The following PBX1 variants were observed in gnomAD, a reference collection of about 807,000 sequenced individuals.
PBX1 encodes PBX homeobox 1, also known as pre-B-cell leukemia transcription factor 1.
Under a neutral mutation model 53.4 loss-of-function variants are expected in PBX1, and 6 were observed. That is an observed-to-expected ratio of 0.11 (90% CI 0.06 to 0.22). The LOEUF is 0.22. Among genes scored for constraint, PBX1 ranks in the 10% least tolerant of loss-of-function variants. PBX1 has a pLI of 1.00. For synonymous variants in PBX1, 204 were observed against 212.3 expected (o/e 0.96, Z 0.34); for missense variants, 251 against 551.4 (o/e 0.46, Z 5.46).
intron 2 of PBX1, among the ~76,000 whole-genome samples, chr1:164,712,829 G>A (rs898016510): frequency 1.3e-5 from 2 of 152,226 alleles, no homozygotes; most frequent in African/African-American, 2.4e-5. Context: ...AGGCAGGCAG[G>A]CATAGGTGTG....
intron 2 of PBX1, among the ~76,000 whole-genome samples, chr1:164,635,590 G>T (rs201650852): frequency 6.6e-6 from 1 of 152,118 alleles, no homozygotes; most frequent in African/African-American, 2.4e-5. Context: ...CCATTCTCCC[G>T]CTCGTCTCGC....
intron 8 of PBX1, among the ~76,000 whole-genome samples, chr1:164,830,655 T>A (rs1451480721): frequency 6.6e-6 from 1 of 152,192 alleles, no homozygotes; most frequent in African/African-American, 2.4e-5. Context: ...GTCTTTGAAC[T>A]CATCTTGAAC....
intron 2 of PBX1, among the ~76,000 whole-genome samples, chr1:164,586,454 C>T (rs191647695): frequency 6.6e-6 from 1 of 152,224 alleles, no homozygotes; most frequent in East Asian, 1.9e-4. Flanking sequence ...TGCAAGGGAA[C>T]AATTACTGGA....
chr1:164,583,835 T>C (rs1263560481), intron 2 of PBX1, among the ~76,000 whole-genome samples: 1 of 152,196 alleles, frequency 6.6e-6, no homozygotes, highest in East Asian at 1.9e-4. Flanking sequence ...AGATAGGAAC[T>C]TGTCCTCAAA....
chr1:164,821,889 G>A (rs146452462), intron 8 of PBX1, among the ~76,000 whole-genome samples: 6 of 152,236 alleles, frequency 3.9e-5, no homozygotes, highest in East Asian at 3.9e-4. Flanking sequence ...GGCCACATGC[G>A]TTCAGCTAGA....
rs566423880 is a variant in PBX1 at position 164,711,237 on chromosome 1, C to T, written c.266-81257C>T. 1.9e-4 allele frequency among the ~76,000 whole-genome samples: 29 copies of T among 152,240 alleles called. 1 individual carries two copies. The highest frequency in any genetic ancestry group is 1.5e-3 in the Admixed American group (23 of 15,298). On this transcript the variant is annotated intron_variant, in intron 2 of 8. Transcript: ENST00000420696. ...GCTGACCCAGAAGCAGACAGGTGACCCTTTCACCAAAACTTCAATCATCAG... is the reference window on the plus strand; with the variant it reads ...GCTGACCCAGAAGCAGACAGGTGACTCTTTCACCAAAACTTCAATCATCAG...
In PBX1 at chr1:164,848,562, T is replaced by C; in HGVS notation, c.*1886T>C. The C allele has an allele frequency of 9.4e-7, 1 of 1,059,830 alleles. No individual in the cohort carries two copies. The highest frequency in any genetic ancestry group is 4.6e-5 in the South Asian group (1 of 21,930). The allele number at this position is 1,059,830 out of a possible 1,614,324, so 65.7% of individuals were successfully genotyped here. On this transcript the variant is annotated 3_prime_UTR_variant, in exon 9 of 9. Transcript: ENST00000420696. ...CAGTACCTTGATGTCATCACCGTGA[T>C]GACAAAGAGAAGAGTTATTGTTGAT...
At chr1:164,574,131 C>G (rs1654060731) in intron 2 of PBX1, among the ~76,000 whole-genome samples, 1 of 152,234 alleles carries the variant, frequency 6.6e-6, no homozygotes, top group South Asian at 2.1e-4. Context: ...ACCTCCTTCT[C>G]TGTGTTTTTT....
rs940060666 is a variant in PBX1 at position 164,857,121 on chromosome 1, A to C, written n.257+25638A>C. 1.9e-4 allele frequency among the ~76,000 whole-genome samples: 29 copies of C among 152,244 alleles called. 1 individual carries two copies. The highest frequency in any genetic ancestry group is 7.0e-4 in the African/African-American group (29 of 41,552). On this transcript the variant is annotated intron_variant and non_coding_transcript_variant, in intron 2 of 2. Transcript: ENST00000558796. Reference sequence around the variant, plus strand: ...CTAAGGTTTAAGGGCTCAGTCCCACAAGCCTGCCCTCACATCAGACACCAG... The same window carrying C: ...CTAAGGTTTAAGGGCTCAGTCCCACCAGCCTGCCCTCACATCAGACACCAG...
At position 164,821,605 on chromosome 1, in the gene PBX1, G is replaced by A; in HGVS notation, c.1179G>A (p.Met393Ile). 2 of 1,613,868 alleles carry A rather than the reference G, an allele frequency of 1.2e-6. No homozygotes were observed. The highest frequency in any genetic ancestry group is 1.7e-6 in the Non-Finnish European group (2 of 1,179,796). ...GTGATGGACTCGCAGCCAGTCAGAT[G>A]TACAGTCCGCAGGGCATCAGTGTAA... Reference protein sequence around the residue: ...GYSDGLAASQMYSPQGISANG... With the variant: ...GYSDGLAASQIYSPQGISANG... The change falls in exon 8 of 9, where the codon ATG (methionine) becomes ATA (isoleucine). Residue 393 changes from methionine to isoleucine, a missense_variant. Physicochemically the swap from Met to Ile is conservative, Grantham distance 10. This residue lies in a region of PBX1 where 92 missense variants were observed against 130.4 expected (regional missense o/e 0.71). Coordinates refer to ENST00000420696, the MANE Select transcript of PBX1 (RefSeq NM_002585.4).
At chr1:164,855,033 G>A (rs994567357), downstream of PBX1, among the ~76,000 whole-genome samples, 2 of 143,656 alleles carry the variant, frequency 1.4e-5, no homozygotes, top group Non-Finnish European at 3.0e-5. Context: ...CTGCAGTCTC[G>A]ACCTCCCTGA....
intron 2 of PBX1, among the ~76,000 whole-genome samples, chr1:164,729,722 T>C (rs1296084038): frequency 1.3e-5 from 2 of 152,180 alleles, no homozygotes; most frequent in Non-Finnish European, 2.9e-5. Flanking sequence ...AAGTGGCATA[T>C]TTAATCAACC....
intron 3 of PBX1, among the ~76,000 whole-genome samples, chr1:164,794,062 A>G (rs549468678): frequency 6.6e-6 from 1 of 151,588 alleles, no homozygotes; most frequent in Admixed American, 6.6e-5. Flanking sequence ...TTTAGTAGAG[A>G]CAGGGTTTCA....
chr1:164,810,334 T>C (rs988469711), intron 5 of PBX1, among the ~76,000 whole-genome samples: 15 of 152,174 alleles, frequency 9.9e-5, no homozygotes, highest in African/African-American at 3.6e-4. Context: ...ATAACACTCA[T>C]TTTATACATT....
intron 2 of PBX1, among the ~76,000 whole-genome samples, chr1:164,654,499 G>A (rs551311893): frequency 7.6e-6 from 1 of 132,168 alleles, no homozygotes; most frequent in African/African-American, 2.5e-5. Context: ...ATTTGAGGAG[G>A]AACAGGATCA....
chr1:164,664,937 T>G (rs534280992), intron 2 of PBX1, among the ~76,000 whole-genome samples: 1 of 152,164 alleles, frequency 6.6e-6, no homozygotes, highest in Admixed American at 6.5e-5. Context: ...AAGATGAGAT[T>G]TGGATGGGGA....
At chr1:164,725,805 A>G (rs1571294292) in intron 2 of PBX1, among the ~76,000 whole-genome samples, 1 of 152,282 alleles carries the variant, frequency 6.6e-6, no homozygotes, top group Non-Finnish European at 1.5e-5. Flanking sequence ...AGGTGTAGCT[A>G]TCCATCATTT....
chr1:164,604,510 CAG>C (rs1410351948), intron 2 of PBX1, among the ~76,000 whole-genome samples: 5 of 152,318 alleles, frequency 3.3e-5, no homozygotes, highest in Admixed American at 1.3e-4. Context: ...GGCCAGCACT[CAG>C]TGATAACTAC....
At chr1:164,691,842 A>G (rs1686190) in intron 2 of PBX1, among the ~76,000 whole-genome samples, 145,291 of 152,196 alleles carry the variant, frequency 0.95, 69,711 homozygotes, top group East Asian at 1. Flanking sequence ...GAGCACCACC[A>G]TGATGCCACA....
Sources: gnomAD v4.1 joint callset for allele counts (sites outside exome capture counted in the v4.1 genomes callset) on GRCh38, gnomAD v4.1.1 for gene constraint, gnomAD v4.1.1 regional missense constraint, MANE v1.5 for transcripts, NCBI Gene and HGNC (gene_info 2026-07-23, HGNC 2026-07-21) for gene names.